Variants in EML6 observed in about 807,000 individuals in gnomAD.
EML6 encodes EMAP like 6.
In EML6, 154 loss-of-function variants were observed where a neutral mutation model predicts 240.1. The observed-to-expected ratio is 0.64, with a 90% CI of 0.56 to 0.73. The LOEUF is 0.73. EML6 is among the 30% of genes least tolerant of loss of function. EML6 has a pLI of 0.00. For missense variants in EML6, 2,964 were observed against 2,474.6 expected, an observed-to-expected ratio of 1.20 and a Z score of -4.20; for synonymous variants, 1,148 against 899.0, an observed-to-expected ratio of 1.28 and a Z score of -4.95.
intron 28 of EML6, among the ~76,000 whole-genome samples, chr2:54,942,641 A>G (rs953165749): frequency 6.6e-6 from 1 of 152,052 alleles, no homozygotes; most frequent in Non-Finnish European, 1.5e-5. Context: ...ATGCTCTGCC[A>G]TCTTCTGCCC....
chr2:54,919,250 C>CG (rs570645181), intron 26 of EML6, among the ~76,000 whole-genome samples: 16 of 145,708 alleles, frequency 1.1e-4, no homozygotes, highest in African/African-American at 2.3e-4. Flanking sequence ...CTTCCCCCCC[C>CG]CCCCAATCCT....
chr2:54,936,230 A>G (rs1675126769), intron 28 of EML6, among the ~76,000 whole-genome samples: 1 of 152,246 alleles, frequency 6.6e-6, no homozygotes, highest in Admixed American at 6.5e-5. Flanking sequence ...ACAAAGGAAC[A>G]TTCTTTTTGA....
intron 12 of EML6, among the ~76,000 whole-genome samples, chr2:54,862,593 A>G (rs549270856): frequency 2.0e-5 from 3 of 152,288 alleles, no homozygotes; most frequent in African/African-American, 7.2e-5. Flanking sequence ...AGAAATGGGC[A>G]GAAAACATGT....
intron 2 of EML6, among the ~76,000 whole-genome samples, chr2:54,778,416 C>T (rs566226285): frequency 6.6e-6 from 1 of 152,036 alleles, no homozygotes; most frequent in Non-Finnish European, 1.5e-5. Flanking sequence ...GTTGTACCCC[C>T]CTCCCAAACT....
At chr2:54,727,381 A>G (rs1314099859) in intron 2 of EML6, among the ~76,000 whole-genome samples, 1 of 152,174 alleles carries the variant, frequency 6.6e-6, no homozygotes, top group Non-Finnish European at 1.5e-5. Context: ...AATTAAGTTC[A>G]ATGAATTAAG....
intron 2 of EML6, among the ~76,000 whole-genome samples, chr2:54,753,865 G>C (rs1205649459): frequency 2.0e-5 from 3 of 151,820 alleles, no homozygotes; most frequent in Non-Finnish European, 4.4e-5. Context: ...GGCTGGGCGC[G>C]ATGGCTCACA....
intron 2 of EML6, among the ~76,000 whole-genome samples, chr2:54,802,225 C>A (rs1670190270): frequency 6.6e-6 from 1 of 152,026 alleles, no homozygotes; most frequent in Non-Finnish European, 1.5e-5. Context: ...GAAAGAATGC[C>A]CCCGATACAA....
chr2:54,920,168 A>G (rs1674148198), intron 26 of EML6, among the ~76,000 whole-genome samples: 1 of 152,158 alleles, frequency 6.6e-6, no homozygotes, highest in African/African-American at 2.4e-5. Context: ...GAAGGAAATA[A>G]TAAAGATTAG....
chr2:54,816,361 A>G (rs1234849717), intron 3 of EML6, among the ~76,000 whole-genome samples: 1 of 152,180 alleles, frequency 6.6e-6, no homozygotes, highest in Non-Finnish European at 1.5e-5. Context: ...CATTTATTCT[A>G]TTCGTCAAAC....
Position 54,816,769 on chromosome 2 carries a change from T to C in EML6, c.358-18T>C. 2.6e-6 allele frequency: 4 copies of C among 1,525,398 alleles called. No homozygotes were observed. Among genetic ancestry groups the C allele is most frequent in the Non-Finnish European group, 2.7e-6 (3 of 1,123,134 alleles). 94.5% of individuals were successfully genotyped at this position (1,525,398 alleles called of 1,614,324 possible). ...TTCCCATCACTTTTAGGTACTAAAT[T>C]ATTGTTCTTATTCTTAGCGTTTAGC... is the stretch of plus-strand genomic sequence containing the variant. On this transcript the variant is annotated intron_variant, in intron 3 of 41. Coordinates refer to ENST00000356458, the MANE Select transcript of EML6 (RefSeq NM_001039753.4).
chr2:54,784,939 A>G (rs1669010655), intron 2 of EML6, among the ~76,000 whole-genome samples: 1 of 152,232 alleles, frequency 6.6e-6, no homozygotes, highest in Admixed American at 6.5e-5. Flanking sequence ...TCTGTCTGAC[A>G]TAGCAGGCAA....
chr2:54,962,457 G>GAT lies in EML6; in HGVS notation c.4969-64_4969-63dup, dbSNP rs937107904. The stretch of plus-strand genomic sequence containing the variant: ...TGTCTCCATGAATTTGTCTACTCTA[G>GAT]ATACCTCATATGAGTGCAGTCATAC... On this transcript the variant is annotated intron_variant, in intron 35 of 41. Coordinates refer to ENST00000356458, the MANE Select transcript of EML6 (RefSeq NM_001039753.4). The GAT allele has an allele frequency of 3.9e-5, 48 of 1,244,978 alleles. No homozygotes were observed. The African/African-American group carries it at 6.7e-4, about 17-fold the overall frequency. 77.1% of individuals were successfully genotyped at this position (1,244,978 alleles called of 1,614,324 possible). A position where few individuals can be genotyped will look rare whatever the true frequency, so the allele number is the denominator to read the frequency against.
At chr2:54,902,333 C>CACA (rs1447942432) in intron 22 of EML6, among the ~76,000 whole-genome samples, 1 of 152,130 alleles carries the variant, frequency 6.6e-6, no homozygotes, top group Non-Finnish European at 1.5e-5. Flanking sequence ...AATGAATAAA[C>CACA]CTCATGGAAG....
chr2:54,807,213 A>G (rs960998080), intron 2 of EML6, among the ~76,000 whole-genome samples: 2 of 152,188 alleles, frequency 1.3e-5, no homozygotes, highest in African/African-American at 4.8e-5. Context: ...CTTGATTACC[A>G]TCTGGTTCAG....
At chr2:54,963,490 C>T (rs749342689) in intron 36 of EML6, among the ~76,000 whole-genome samples, 1 of 152,162 alleles carries the variant, frequency 6.6e-6, no homozygotes, top group Non-Finnish European at 1.5e-5. Context: ...ATGTAATTTA[C>T]CCAAACACAC....
At chr2:54,939,688 C>T (rs1389416489) in intron 28 of EML6, among the ~76,000 whole-genome samples, 3 of 152,202 alleles carry the variant, frequency 2.0e-5, no homozygotes, top group Non-Finnish European at 2.9e-5. Context: ...CTCTGTCTCT[C>T]TTGACCCTCC....
intron 7 of EML6, among the ~76,000 whole-genome samples, chr2:54,836,938 G>A (rs1251548874): frequency 6.6e-6 from 1 of 152,158 alleles, no homozygotes; most frequent in Non-Finnish European, 1.5e-5. Flanking sequence ...AAGGCCCAGA[G>A]CTCCTGTGCC....
intron 2 of EML6, among the ~76,000 whole-genome samples, chr2:54,732,069 A>G (rs1202197287): frequency 6.6e-6 from 1 of 152,090 alleles, no homozygotes; most frequent in Non-Finnish European, 1.5e-5. Flanking sequence ...GATATTGATG[A>G]TCTTTTCATA....
intron 9 of EML6, among the ~76,000 whole-genome samples, chr2:54,849,530 C>G (rs889642895): frequency 3.9e-5 from 6 of 152,198 alleles, no homozygotes; most frequent in Admixed American, 1.3e-4. Flanking sequence ...GCTCTGTCGC[C>G]CAAGCTGGAG....
Sources: gnomAD v4.1 joint callset for allele counts (sites outside exome capture counted in the v4.1 genomes callset) on GRCh38, gnomAD v4.1.1 for gene constraint, MANE v1.5 for transcripts, NCBI Gene and HGNC (gene_info 2026-07-23, HGNC 2026-07-21) for gene names.